Variants in XPR1 observed in about 807,000 individuals in gnomAD.
XPR1 encodes the protein solute carrier family 53 member 1.
Under a neutral mutation model 87.5 loss-of-function variants are expected in XPR1, and 28 were observed. The observed-to-expected ratio is 0.32, with a 90% CI of 0.24 to 0.44. The LOEUF is 0.44. Ranked by LOEUF, XPR1 falls within the 20% of genes least tolerant of loss-of-function variation. The pLI, the probability that XPR1 is intolerant of heterozygous loss-of-function variation, is 1.00. For synonymous variants in XPR1, 300 were observed against 306.1 expected (o/e 0.98, Z 0.21); for missense variants, 559 against 862.3 (o/e 0.65, Z 4.41).
chr1:180,847,975 C>T (rs964869328), intron 11 of XPR1, among the ~76,000 whole-genome samples: 2 of 152,050 alleles, frequency 1.3e-5, no homozygotes, highest in African/African-American at 4.8e-5. Flanking sequence ...CTTTACAAAA[C>T]TAGCATAATT....
chr1:180,733,992 G>A lies in XPR1; in HGVS notation c.121+51581G>A, dbSNP rs150990635. Reference sequence around the variant, plus strand: ...GAGGACAGTTATAATTATTATTTTGGTTTTACTGATGAGAGAAACAGTTAA... The same window carrying A: ...GAGGACAGTTATAATTATTATTTTGATTTTACTGATGAGAGAAACAGTTAA... On this transcript the variant is annotated intron_variant, in intron 2 of 14. Coordinates refer to ENST00000367590, the MANE Select transcript of XPR1 (RefSeq NM_004736.4). Among the ~76,000 whole-genome samples, 302 of 152,160 alleles carry A rather than the reference G, an allele frequency of 2.0e-3. 3 individuals carry two copies. Among genetic ancestry groups the A allele is most frequent in the East Asian group, 1.3e-3 (7 of 5,188 alleles).
intron 2 of XPR1, among the ~76,000 whole-genome samples, chr1:180,704,270 A>ATATATATG (rs1657470322): frequency 7.1e-6 from 1 of 140,622 alleles, no homozygotes; most frequent in South Asian, 2.3e-4. Flanking sequence ...ATATATATAT[A>ATATATATG]TATATATTAT....
chr1:180,742,890 C>G (rs1658965924), intron 2 of XPR1, among the ~76,000 whole-genome samples: 1 of 151,972 alleles, frequency 6.6e-6, no homozygotes, highest in African/African-American at 2.4e-5. Context: ...TGTGATATCT[C>G]TATCCTTGGT....
chr1:180,866,590 C>G (rs1394448673), intron 12 of XPR1, among the ~76,000 whole-genome samples: 1 of 152,088 alleles, frequency 6.6e-6, no homozygotes, highest in African/African-American at 2.4e-5. Flanking sequence ...AATTGCAGTT[C>G]TTCAGTTAAG....
At chr1:180,743,113 A>T (rs1658971628) in intron 2 of XPR1, among the ~76,000 whole-genome samples, 1 of 151,764 alleles carries the variant, frequency 6.6e-6, no homozygotes, top group Admixed American at 6.6e-5. Context: ...TAGATAGGTC[A>T]TTTATGTTTA....
At chr1:180,650,430 T>C (rs76663100) in intron 1 of XPR1, among the ~76,000 whole-genome samples, 2,605 of 152,304 alleles carry the variant, frequency 0.017, 70 homozygotes, top group African/African-American at 0.059. Flanking sequence ...AACAGAGTTA[T>C]TCGATCACCT....
At chr1:180,781,181 T>C (rs1648922317) in intron 2 of XPR1, among the ~76,000 whole-genome samples, 2 of 151,984 alleles carry the variant, frequency 1.3e-5, no homozygotes, top group African/African-American at 2.4e-5. Flanking sequence ...TTTTTTACTT[T>C]AATAAAGTAT....
intron 2 of XPR1, among the ~76,000 whole-genome samples, chr1:180,722,324 G>A (rs1658202008): frequency 1.3e-5 from 2 of 151,956 alleles, no homozygotes; most frequent in African/African-American, 4.8e-5. Flanking sequence ...TTGAACTCCT[G>A]ACCTCGTGAT....
chr1:180,683,336 G>A (rs1656650209), intron 2 of XPR1, among the ~76,000 whole-genome samples: 1 of 151,808 alleles, frequency 6.6e-6, no homozygotes, highest in Non-Finnish European at 1.5e-5. Flanking sequence ...TGGTGTATCT[G>A]TGCCACATTT....
chr1:180,815,061 T>C (rs1650354981), intron 7 of XPR1, among the ~76,000 whole-genome samples: 2 of 152,084 alleles, frequency 1.3e-5, no homozygotes, highest in Admixed American at 6.5e-5. Context: ...AGTTGCAAAG[T>C]GCTATGTCAA....
Position 180,736,532 on chromosome 1 carries a change from A to G in XPR1, c.122-51221A>G, listed in dbSNP as rs181873249. 1.5e-3 allele frequency among the ~76,000 whole-genome samples: 226 copies of G among 152,330 alleles called. 1 individual carries two copies. The highest frequency in any genetic ancestry group is 5.1e-3 in the African/African-American group (213 of 41,574). ...GTAGAATACCTGGATTGGAATAAAG[A>G]TGTCTTCACACCATGGTCTAGGGCT... is the stretch of plus-strand genomic sequence containing the variant. On this transcript the variant is annotated intron_variant, in intron 2 of 14. Coordinates refer to ENST00000367590, the MANE Select transcript of XPR1 (RefSeq NM_004736.4).
chr1:180,664,212 C>T (rs1389890653), intron 1 of XPR1, among the ~76,000 whole-genome samples: 2 of 152,238 alleles, frequency 1.3e-5, no homozygotes, highest in East Asian at 1.9e-4. Context: ...AGTGGTCCCT[C>T]CTCATAGCCA....
chr1:180,865,242 A>G (rs1018495000), intron 12 of XPR1, among the ~76,000 whole-genome samples: 11 of 152,154 alleles, frequency 7.2e-5, no homozygotes, highest in Non-Finnish European at 1.3e-4. Context: ...TATGACCAAG[A>G]TATTAGACAT....
intron 2 of XPR1, among the ~76,000 whole-genome samples, chr1:180,780,984 ATATC>A (rs1294781562): frequency 6.6e-6 from 1 of 151,948 alleles, no homozygotes; most frequent in African/African-American, 2.4e-5. Context: ...GTTTGGTGTC[ATATC>A]TAAGAAACCA....
At chr1:180,694,419 C>T (rs1018538317) in intron 2 of XPR1, among the ~76,000 whole-genome samples, 1 of 152,004 alleles carries the variant, frequency 6.6e-6, no homozygotes, top group African/African-American at 2.4e-5. Flanking sequence ...AGGTATGATC[C>T]CGGAAAGTGA....
intron 2 of XPR1, among the ~76,000 whole-genome samples, chr1:180,723,277 T>G (rs979837225): frequency 2.0e-5 from 3 of 152,204 alleles, no homozygotes; most frequent in African/African-American, 2.4e-5. Context: ...ACAGAAACTT[T>G]ACAACTTAAA....
At chr1:180,697,221 A>G (rs554437844) in intron 2 of XPR1, among the ~76,000 whole-genome samples, 2 of 152,158 alleles carry the variant, frequency 1.3e-5, no homozygotes, top group South Asian at 4.1e-4. Flanking sequence ...TTGTTCAGGA[A>G]CTTAAACATT....
chr1:180,863,495 T>C (rs536538204), intron 11 of XPR1, among the ~76,000 whole-genome samples: 87 of 152,342 alleles, frequency 5.7e-4, no homozygotes, highest in Admixed American at 9.8e-4. Context: ...GTAAGTGTTA[T>C]GTATTCAATA....
chr1:180,852,056 C>T (rs1020357133), intron 11 of XPR1, among the ~76,000 whole-genome samples: 3 of 151,026 alleles, frequency 2.0e-5, no homozygotes, highest in Non-Finnish European at 2.9e-5. Flanking sequence ...CCTCTTGGAG[C>T]TCACGGTTTG....
Sources: allele counts gnomAD v4.1 joint callset (sites outside exome capture counted in the v4.1 genomes callset), GRCh38; gene constraint gnomAD v4.1.1; transcripts MANE v1.5; gene names NCBI Gene and HGNC (gene_info 2026-07-23, HGNC 2026-07-21).